The following XKR4 variants were observed in gnomAD, a reference collection of about 807,000 sequenced individuals.
The protein encoded by XKR4 is XK-related protein 4.
In XKR4, 12 loss-of-function variants were observed where a neutral mutation model predicts 53.9. That is an observed-to-expected ratio of 0.22 (90% CI 0.14 to 0.36). The LOEUF (loss-of-function observed/expected upper bound fraction) is 0.36, where lower values mean the gene tolerates loss of function less well. Ranked by LOEUF, XKR4 falls within the 10% of genes least tolerant of loss-of-function variation. XKR4 has a pLI of 1.00. For missense variants in XKR4, 799 were observed against 859.5 expected, an observed-to-expected ratio of 0.93 and a Z score of 0.88; for synonymous variants, 354 against 362.4, an observed-to-expected ratio of 0.98 and a Z score of 0.26.
intron 2 of XKR4, among the ~76,000 whole-genome samples, chr8:55,475,828 C>T (rs1805975203): frequency 6.6e-6 from 1 of 151,962 alleles, no homozygotes; most frequent in Non-Finnish European, 1.5e-5. Context: ...ATCTTGAACT[C>T]CTGACCTTGT....
chr8:55,214,044 TAGAGACA>T lies in XKR4; in HGVS notation c.806+110751_806+110757del, dbSNP rs1329637053. On this transcript the variant is annotated intron_variant, in intron 1 of 2. Coordinates refer to ENST00000327381, the MANE Select transcript of XKR4 (RefSeq NM_052898.2). ...ACCTGGCTAATTTTTGTATTTTCAGTAGAGACAGGGTTTCACCATGTTGGCCTGGCTG... is the reference window on the plus strand; with the variant it reads ...ACCTGGCTAATTTTTGTATTTTCAGTGGGTTTCACCATGTTGGCCTGGCTG... Among the ~76,000 whole-genome samples the T allele has an allele frequency of 2.6e-5, 4 of 151,968 alleles. No homozygotes were observed. The East Asian group carries it at 7.7e-4, about 29-fold the overall frequency.
intron 2 of XKR4, chr8:55,453,358 A>T (rs1422251942): frequency 2.1e-6 from 1 of 465,826 alleles, no homozygotes; most frequent in East Asian, 6.7e-5. Context: ...TCTGTTGCAC[A>T]TGCAGGTACA....
At chr8:55,377,093 G>T (rs114692056) in intron 2 of XKR4, among the ~76,000 whole-genome samples, 1 of 151,980 alleles carries the variant, frequency 6.6e-6, no homozygotes, top group Non-Finnish European at 1.5e-5. Context: ...ACTTGTCCCC[G>T]CCACCACCAC....
At chr8:55,422,006 A>T (rs1472332159) in intron 2 of XKR4, among the ~76,000 whole-genome samples, 3 of 152,220 alleles carry the variant, frequency 2.0e-5, no homozygotes, top group African/African-American at 7.2e-5. Context: ...GTATGTATTA[A>T]TGTCCCATGA....
chr8:55,347,893 G>A (rs1803671864), intron 1 of XKR4, among the ~76,000 whole-genome samples: 1 of 152,114 alleles, frequency 6.6e-6, no homozygotes, highest in Admixed American at 6.6e-5. Context: ...AAATATCTAA[G>A]TGGAACTGAA....
intron 1 of XKR4, among the ~76,000 whole-genome samples, chr8:55,151,523 A>G (rs1816839428): frequency 6.6e-6 from 1 of 152,210 alleles, no homozygotes; most frequent in African/African-American, 2.4e-5. Context: ...ACAAATATCT[A>G]GCTATATGAC....
intron 1 of XKR4, among the ~76,000 whole-genome samples, chr8:55,207,653 C>T (rs1481417009): frequency 4.2e-5 from 2 of 47,964 alleles, no homozygotes; most frequent in South Asian, 1.4e-3. Flanking sequence ...CACACACGCG[C>T]ACACACACAC....
intron 2 of XKR4, among the ~76,000 whole-genome samples, chr8:55,414,038 G>A (rs1218374138): frequency 1.3e-5 from 2 of 152,074 alleles, no homozygotes; most frequent in African/African-American, 4.8e-5. Flanking sequence ...ATGATCACAT[G>A]TTATAAAATT....
At chr8:55,519,238 C>T (rs922696260) in intron 2 of XKR4, among the ~76,000 whole-genome samples, 2 of 152,132 alleles carry the variant, frequency 1.3e-5, no homozygotes, top group Non-Finnish European at 2.9e-5. Flanking sequence ...TTTTAGTCCC[C>T]TGTAGCTGTT....
intron 1 of XKR4, among the ~76,000 whole-genome samples, chr8:55,283,335 G>A (rs138534003): frequency 6.6e-6 from 1 of 152,280 alleles, no homozygotes; most frequent in East Asian, 1.9e-4. Flanking sequence ...GACTGAGAAG[G>A]CCCAATTTTA....
intron 1 of XKR4, among the ~76,000 whole-genome samples, chr8:55,198,749 C>T (rs1817536200): frequency 6.6e-6 from 1 of 152,108 alleles, no homozygotes. Context: ...GAATGGCATT[C>T]TTATAGCTGT....
At chr8:55,301,428 C>T (rs953396716) in intron 1 of XKR4, among the ~76,000 whole-genome samples, 61 of 151,994 alleles carry the variant, frequency 4.0e-4, no homozygotes, top group African/African-American at 1.4e-3. Flanking sequence ...CAAGTCTTTG[C>T]TATTGTGAAT....
Position 55,280,821 on chromosome 8 carries a change from A to G in XKR4, c.807-76857A>G, listed in dbSNP as rs1818835835. Among the ~76,000 whole-genome samples, 5 of 152,228 alleles carry G rather than the reference A, an allele frequency of 3.3e-5. No homozygotes were observed. The South Asian group carries it at 8.3e-4, about 25-fold the overall frequency. The stretch of plus-strand genomic sequence containing the variant: ...GTTTAGAAAACAAGACTAAATGCCC[A>G]TTCTATACGTTAAAATACTCTAATA... On this transcript the variant is annotated intron_variant, in intron 1 of 2. Coordinates refer to ENST00000327381, the MANE Select transcript of XKR4 (RefSeq NM_052898.2).
At chr8:55,298,536 G>T (rs557672722) in intron 1 of XKR4, among the ~76,000 whole-genome samples, 2 of 152,190 alleles carry the variant, frequency 1.3e-5, no homozygotes, top group East Asian at 3.9e-4. Context: ...AGGAGAGGAG[G>T]GGGAGGTCCT....
At chr8:55,450,371 CCT>C (rs1805419289) in intron 2 of XKR4, 1 of 650,752 alleles carries the variant, frequency 1.5e-6, no homozygotes. Context: ...GGCCGCAGGA[CCT>C]CTGTGTCCTC....
intron 1 of XKR4, among the ~76,000 whole-genome samples, chr8:55,110,174 G>T (rs1585883173): frequency 6.6e-6 from 1 of 152,116 alleles, no homozygotes; most frequent in East Asian, 1.9e-4. Context: ...GTTTTATCAG[G>T]TGTGATCTTG....
chr8:55,153,532 A>G (rs915636135), intron 1 of XKR4, among the ~76,000 whole-genome samples: 43 of 152,220 alleles, frequency 2.8e-4, no homozygotes, highest in African/African-American at 8.4e-4. Context: ...TGTGTCCACT[A>G]CAATGATAAA....
chr8:55,334,938 G>C (rs16921620), intron 1 of XKR4, among the ~76,000 whole-genome samples: 78 of 152,128 alleles, frequency 5.1e-4, no homozygotes, highest in African/African-American at 1.8e-3. Flanking sequence ...ACTGTTTCTG[G>C]GTCCTTCATC....
chr8:55,327,734 A>G (rs1016256236), intron 1 of XKR4, among the ~76,000 whole-genome samples: 1 of 152,230 alleles, frequency 6.6e-6, no homozygotes, highest in Non-Finnish European at 1.5e-5. Flanking sequence ...ATAAAGAACC[A>G]TATTTGACAG....
Sources: allele counts gnomAD v4.1 joint callset (sites outside exome capture counted in the v4.1 genomes callset), GRCh38; gene constraint gnomAD v4.1.1; transcripts MANE v1.5; gene names NCBI Gene and HGNC (gene_info 2026-07-23, HGNC 2026-07-21).